LAMA3: variants seen among roughly 807,000 people sequenced by gnomAD.
LAMA3 encodes the protein laminin subunit alpha 3, also known as laminin subunit alpha-3.
In LAMA3, 281 loss-of-function variants were observed where a neutral mutation model predicts 402.0. The ratio of observed to expected loss-of-function variants is 0.70; its 90% CI spans 0.63 to 0.77. The LOEUF is 0.77. Among genes scored for constraint, LAMA3 ranks in the 30% least tolerant of loss-of-function variants. The pLI is 0.00. For missense variants in LAMA3, 3,840 were observed against 4,215.5 expected (o/e 0.91, Z 2.47); for synonymous variants, 1,431 against 1,558.4 (o/e 0.92, Z 1.93).
Position 23,777,614 on chromosome 18 carries a change from T to G in LAMA3, c.1463T>G (p.Ile488Arg). The G allele has an allele frequency of 6.2e-7, 1 of 1,609,368 alleles. No individual in the cohort carries two copies. ...PSSEDPVAGD[I>R]KGCDCNLEGV... is the part of the protein sequence containing the mutation. Reference sequence around the variant, plus strand: ...TCAGAAGATCCAGTAGCTGGAGATATAAAAGGCAAGTAACCTCCCTTTTGG... The same window carrying G: ...TCAGAAGATCCAGTAGCTGGAGATAGAAAAGGCAAGTAACCTCCCTTTTGG... The change falls in exon 11 of 75, where the codon ATA becomes AGA. Residue 488 changes from isoleucine (I) to arginine (R), a missense_variant. By Grantham distance (97) the Ile-to-Arg change is moderately conservative. This residue lies in a region of LAMA3 where 2,109 missense variants were observed against 2,376.0 expected (regional missense o/e 0.89). Coordinates refer to ENST00000313654, the MANE Select transcript of LAMA3 (RefSeq NM_198129.4).
Position 23,819,953 on chromosome 18 carries a change from C to G in LAMA3, c.2260C>G (p.Pro754Ala). The G allele has an allele frequency of 6.2e-7, 1 of 1,614,116 alleles. No homozygotes were observed. The highest frequency in any genetic ancestry group is 8.5e-7 in the Non-Finnish European group (1 of 1,180,004). The change falls in exon 19 of 75, where the codon CCT (proline) becomes GCT (alanine). Residue 754 changes from proline (P) to alanine (A), a missense_variant. Physicochemically the swap from Pro to Ala is conservative, Grantham distance 27. Transcript: ENST00000313654. ...ATTTGGATTTGATCCGCTGGCATTTCCTGAGTTTAGCTGGAGAGGATATGC... is the reference window on the plus strand; with the variant it reads ...ATTTGGATTTGATCCGCTGGCATTTGCTGAGTTTAGCTGGAGAGGATATGC... ...LRFGFDPLAF[P>A]EFSWRGYAQM...
chr18:23,914,374 A>C, intron 56 of LAMA3, 36 bp from the exon 57 acceptor site: 1 of 1,613,570 alleles, frequency 6.2e-7, no homozygotes, highest in Non-Finnish European at 8.5e-7. Context: ...GAGAAACCAC[A>C]ATGTGAAGTG....
At chr18:23,693,545 A>G (rs929658544) in intron 1 of LAMA3, among the ~76,000 whole-genome samples, 12 of 151,762 alleles carry the variant, frequency 7.9e-5, no homozygotes, top group African/African-American at 2.2e-4. Flanking sequence ...AAAAAAAAAA[A>G]AGAGAAACGT....
chr18:23,899,427 A>G lies in LAMA3; in HGVS notation c.5976A>G (p.Ala1992=), dbSNP rs111853751. The G allele has an allele frequency of 1.3e-5, 21 of 1,614,206 alleles. No homozygotes were observed. The highest frequency in any genetic ancestry group is 9.3e-5 in the African/African-American group (7 of 75,072). ...ACTTTGGAAAGCACCTCAGAGAAGC[A>G]GAAGCTGATAAAAGGGAGTCGCAGC... The part of the protein sequence containing the change: ...NRNFGKHLRE[A]EADKRESQLL... The change falls in exon 47 of 75, where the codon GCA becomes GCG. Residue 1992 remains alanine (A), a synonymous_variant. Coordinates refer to ENST00000313654, the MANE Select transcript of LAMA3 (RefSeq NM_198129.4).
chr18:23,774,662 TTGTC>T (rs1489699297), intron 9 of LAMA3, among the ~76,000 whole-genome samples: 1 of 152,202 alleles, frequency 6.6e-6, no homozygotes, highest in Non-Finnish European at 1.5e-5. Flanking sequence ...TTCTTTTAAG[TTGTC>T]TGGTTGTCAC....
chr18:23,819,942 C>A lies in LAMA3; in HGVS notation c.2249C>A (p.Pro750Gln), dbSNP rs748845754. ...AGAGACCTTCGATTTGGATTTGATC[C>A]GCTGGCATTTCCTGAGTTTAGCTGG... ...NGRDLRFGFD[P>Q]LAFPEFSWRG... Residue 750 changes from proline to glutamine, a missense_variant, in exon 19 of 75, where the codon CCG becomes CAG. Physicochemically the swap from Pro to Gln is moderately conservative, Grantham distance 76. Coordinates refer to ENST00000313654, the MANE Select transcript of LAMA3 (RefSeq NM_198129.4). 6.2e-7 allele frequency: 1 copy of A among 1,614,046 alleles called. No individual in the cohort carries two copies. The highest frequency in any genetic ancestry group is 1.7e-5 in the Admixed American group (1 of 60,012).
Position 23,708,234 on chromosome 18 carries a change from C to T in LAMA3, c.295-5686C>T, listed in dbSNP as rs550647460. ...GGGCTGCCTGTTCTGTCCGATAGGTCTGTTTGTCTCATTTTGCCTTTCCTT... is the reference window on the plus strand; with the variant it reads ...GGGCTGCCTGTTCTGTCCGATAGGTTTGTTTGTCTCATTTTGCCTTTCCTT... On this transcript the variant is annotated intron_variant, in intron 1 of 74. Transcript: ENST00000313654. 4.6e-5 allele frequency among the ~76,000 whole-genome samples: 7 copies of T among 152,248 alleles called. No homozygotes were observed. The South Asian group carries it at 1.0e-3, about 23-fold the overall frequency.
intron 39 of LAMA3, among the ~76,000 whole-genome samples, chr18:23,880,128 C>T (rs964076626): frequency 1.3e-5 from 2 of 152,182 alleles, no homozygotes. Context: ...CGCTGGTGTC[C>T]TCCTCAGTCA....
chr18:23,788,428 TG>T (rs1300289212), intron 12 of LAMA3, among the ~76,000 whole-genome samples: 2 of 151,372 alleles, frequency 1.3e-5, no homozygotes, highest in Non-Finnish European at 3.0e-5. Context: ...TAAAAAGTCA[TG>T]AAACAGAGTA....
At chr18:23,854,671 AAAG>A (rs2064026402) in intron 32 of LAMA3, among the ~76,000 whole-genome samples, 3 of 148,962 alleles carry the variant, frequency 2.0e-5, no homozygotes, top group African/African-American at 7.4e-5. Context: ...ATAAATAAAA[AAAG>A]AAAAGAAAAC....
intron 48 of LAMA3, among the ~76,000 whole-genome samples, chr18:23,902,165 T>A (rs941503877): frequency 6.6e-6 from 1 of 152,062 alleles, no homozygotes; most frequent in East Asian, 1.9e-4. Context: ...TCTACAAAAA[T>A]TTTTTTAAAA....
rs572456851 is a variant in LAMA3 at position 23,746,225 on chromosome 18, C to A, written c.448-1718C>A. Among the ~76,000 whole-genome samples, 3 of 152,226 alleles carry A rather than the reference C, an allele frequency of 2.0e-5. No homozygotes were observed. In the East Asian group the frequency reaches 5.8e-4, roughly 29 times the overall value. On this transcript the variant is annotated intron_variant, in intron 2 of 74. Coordinates refer to ENST00000313654, the MANE Select transcript of LAMA3 (RefSeq NM_198129.4). ...TCAAAGAGCAAGTGTTTGATAGGGACAGAACTGGCTGAGCTTAGGGTTTCC... is the reference window on the plus strand; with the variant it reads ...TCAAAGAGCAAGTGTTTGATAGGGAAAGAACTGGCTGAGCTTAGGGTTTCC...
chr18:23,740,355 T>C (rs1376176941), intron 2 of LAMA3, among the ~76,000 whole-genome samples: 2 of 152,212 alleles, frequency 1.3e-5, no homozygotes, highest in African/African-American at 4.8e-5. Flanking sequence ...GTTCAAAGTT[T>C]ATACGTATAA....
intron 41 of LAMA3, among the ~76,000 whole-genome samples, chr18:23,888,537 G>A (rs1027762207): frequency 1.6e-4 from 24 of 152,066 alleles, no homozygotes; most frequent in Admixed American, 2.6e-4. Context: ...ATTTTCATGG[G>A]GGCTGTGGGG....
chr18:23,736,371 G>A (rs1165259707), intron 2 of LAMA3, among the ~76,000 whole-genome samples: 1 of 150,524 alleles, frequency 6.6e-6, no homozygotes, highest in Non-Finnish European at 1.5e-5. Flanking sequence ...TGCTTTTGAT[G>A]ACTATAGGGT....
At position 23,885,693 on chromosome 18, in the gene LAMA3, C is replaced by T. The variant is rs187386811; in HGVS notation, c.5303+840C>T. Reference sequence around the variant, plus strand: ...GAAAGTAACAGTATGAAAAATGAATCATATGGTTTACATATTTTAAAATTT... The same window carrying T: ...GAAAGTAACAGTATGAAAAATGAATTATATGGTTTACATATTTTAAAATTT... On this transcript the variant is annotated intron_variant, in intron 41 of 74. Transcript: ENST00000313654. Among the ~76,000 whole-genome samples the T allele has an allele frequency of 6.6e-5, 10 of 152,152 alleles. No homozygotes were observed. The East Asian group carries it at 1.9e-3, about 29-fold the overall frequency.
intron 27 of LAMA3, 106 bp downstream of exon 27, chr18:23,840,035 A>T: frequency 8.2e-7 from 1 of 1,215,088 alleles, no homozygotes; most frequent in Non-Finnish European, 1.2e-6. Context: ...CAGACCCACT[A>T]CAGACCTACT....
intron 12 of LAMA3, among the ~76,000 whole-genome samples, chr18:23,785,579 T>C (rs1253026649): frequency 1.3e-5 from 2 of 152,202 alleles, no homozygotes; most frequent in Admixed American, 1.3e-4. Flanking sequence ...AGTTAGCTAT[T>C]CACTTGCACC....
chr18:23,901,387 T>C (rs1479708315), intron 48 of LAMA3, 64 bp downstream of exon 48: 5 of 1,389,318 alleles, frequency 3.6e-6, no homozygotes, highest in Admixed American at 3.4e-5. Flanking sequence ...GGGATCTTTA[T>C]TATTAATAAA....
Sources: gnomAD v4.1 joint callset for allele counts (sites outside exome capture counted in the v4.1 genomes callset) on GRCh38, gnomAD v4.1.1 for gene constraint, gnomAD v4.1.1 regional missense constraint, MANE v1.5 for transcripts, NCBI Gene and HGNC (gene_info 2026-07-23, HGNC 2026-07-21) for gene names.